Variants in PDCD4 observed in about 807,000 individuals in gnomAD.
The protein encoded by PDCD4 is programmed cell death protein 4.
Under a neutral mutation model 54.0 loss-of-function variants are expected in PDCD4, and 56 were observed. The observed-to-expected ratio is 1.04, with a 90% CI of 0.84 to 1.30. The LOEUF is 1.30. Ranked by LOEUF, PDCD4 falls within the 50% of genes most tolerant of loss-of-function variation. The pLI, the probability that PDCD4 is intolerant of heterozygous loss-of-function variation, is 0.00. For missense variants in PDCD4, 584 were observed against 559.8 expected (o/e 1.04, Z -0.44); for synonymous variants, 186 against 194.8 (o/e 0.95, Z 0.37).
Position 110,887,726 on chromosome 10 carries a change from C to T in PDCD4, c.617C>T (p.Ser206Phe). The change falls in exon 6 of 12, where the codon TCC becomes TTC. Residue 206 changes from serine to phenylalanine, a missense_variant. Ser to Phe is a radical substitution (Grantham distance 155). Coordinates refer to ENST00000280154, the MANE Select transcript of PDCD4 (RefSeq NM_014456.5). ...MKSGVPVLAV[S>F]LALEGKASHR... ...AGTGGAGTACCAGTGTTGGCAGTAT[C>T]CTTAGCATTGGAGGGGAAGGCTAGT... 1.2e-6 allele frequency: 2 copies of T among 1,613,396 alleles called. No homozygotes were observed. The highest frequency in any genetic ancestry group is 1.7e-6 in the Non-Finnish European group (2 of 1,179,472).
At chr10:110,890,981 T>G (rs1307382537) in intron 8 of PDCD4, 1 of 195,438 alleles carries the variant, frequency 5.1e-6, no homozygotes, top group East Asian at 1.2e-4. Flanking sequence ...TGAAATGAGA[T>G]TTTCTGTGTT....
Position 110,887,694 on chromosome 10 carries a change from A to G in PDCD4, c.585A>G (p.Glu195=). The G allele has an allele frequency of 6.2e-7, 1 of 1,612,576 alleles. No individual in the cohort carries two copies. Among genetic ancestry groups the G allele is most frequent in the Middle Eastern group, 1.7e-4 (1 of 6,046 alleles). ...AEMLRDLNLG[E]MKSGVPVLAV... ...TGTTAAGAGATTTAAATCTTGGTGA[A>G]ATGAAAAGTGGAGTACCAGTGTTGG... The change falls in exon 6 of 12, where the codon GAA becomes GAG. Residue 195 remains glutamate, a synonymous_variant. Coordinates refer to ENST00000280154, the MANE Select transcript of PDCD4 (RefSeq NM_014456.5).
Position 110,898,118 on chromosome 10 carries a change from A to T in PDCD4, c.*30A>T. 1 of 1,212,874 alleles carries T rather than the reference A, an allele frequency of 8.2e-7. No homozygotes were observed. The highest frequency in any genetic ancestry group is 1.1e-6 in the Non-Finnish European group (1 of 880,174). The allele number at this position is 1,212,874 out of a possible 1,614,324, so 75.1% of individuals were successfully genotyped here. On this transcript the variant is annotated 3_prime_UTR_variant, in exon 12 of 12. Coordinates refer to ENST00000280154, the MANE Select transcript of PDCD4 (RefSeq NM_014456.5). ...AAGAACTCTTGCAGTCTTAGATGTTATAAAAATATATATCTGAATTGTAAG... is the reference window on the plus strand; with the variant it reads ...AAGAACTCTTGCAGTCTTAGATGTTTTAAAAATATATATCTGAATTGTAAG...
intron 10 of PDCD4, among the ~76,000 whole-genome samples, chr10:110,895,311 T>TA (rs1225310501): frequency 1.3e-5 from 2 of 152,160 alleles, no homozygotes; most frequent in Non-Finnish European, 2.9e-5. Context: ...AGCTCTCACT[T>TA]ACAAGTGAGA....
At chr10:110,879,699 T>C (rs1438864137) in intron 2 of PDCD4, among the ~76,000 whole-genome samples, 3 of 151,606 alleles carry the variant, frequency 2.0e-5, no homozygotes, top group Non-Finnish European at 4.4e-5. Context: ...ATAATGGGAC[T>C]ACTTTTAAAG....
In PDCD4 at chr10:110,876,034, G is replaced by A; in HGVS notation, c.7G>A (p.Val3Ile). ...CAAGCGAAATTAAGGGAAAATGGAT[G>A]TAGAAAATGAGCAGATACTGAATGT... MD[V>I]ENEQILNVNP... Residue 3 changes from valine to isoleucine, a missense_variant, in exon 2 of 12, where the codon GTA (valine) becomes ATA (isoleucine). By Grantham distance (29) the Val-to-Ile change is conservative. Coordinates refer to ENST00000280154, the MANE Select transcript of PDCD4 (RefSeq NM_014456.5). The A allele has an allele frequency of 6.2e-7, 1 of 1,609,892 alleles. No homozygotes were observed. The highest frequency in any genetic ancestry group is 1.1e-5 in the South Asian group (1 of 90,818).
Position 110,894,450 on chromosome 10 carries a change from AT to A in PDCD4, c.1140del (p.Phe380LeufsTer3). ...MVLESTGEST[F>X]KMILDLLKSL... ...TTTTAGAGTCAACTGGAGAAAGTACATTTAAGATGATTTTGGATTTATTAAA... is the reference window on the plus strand; with the variant it reads ...TTTTAGAGTCAACTGGAGAAAGTACATTAAGATGATTTTGGATTTATTAAA... On this transcript the variant is annotated frameshift_variant, in exon 10 of 12. Coordinates refer to ENST00000280154, the MANE Select transcript of PDCD4 (RefSeq NM_014456.5). LOFTEE classifies it high-confidence loss of function. 6.4e-7 allele frequency: 1 copy of A among 1,574,590 alleles called. No individual in the cohort carries two copies.
rs1845877640 is a variant in PDCD4 at position 110,898,169 on chromosome 10, T to G, written c.*81T>G. 1 of 834,980 alleles carries G rather than the reference T, an allele frequency of 1.2e-6. No homozygotes were observed. The allele number at this position is 834,980 out of a possible 1,614,324, so 51.7% of individuals were successfully genotyped here. A position where few individuals can be genotyped will look rare whatever the true frequency, so the allele number is the denominator to read the frequency against. ...AGTTGTTAGCACAAGTTTTTTTTTT[T>G]TTTTTTTTTAAGCACTTGTTTTGGG... On this transcript the variant is annotated 3_prime_UTR_variant, in exon 12 of 12. Coordinates refer to ENST00000280154, the MANE Select transcript of PDCD4 (RefSeq NM_014456.5).
intron 6 of PDCD4, 25 bp from the exon 7 acceptor site, chr10:110,889,508 G>T: frequency 1.5e-6 from 2 of 1,330,616 alleles, no homozygotes; most frequent in Non-Finnish European, 2.1e-6. Flanking sequence ...TTTTTTTATA[G>T]CTCTTTTTTT....
intron 1 of PDCD4, among the ~76,000 whole-genome samples, chr10:110,875,652 T>C (rs1256140664): frequency 6.6e-6 from 1 of 152,210 alleles, no homozygotes; most frequent in Admixed American, 6.5e-5. Context: ...GATTTGGATG[T>C]GTGTATTTCT....
intron 2 of PDCD4, chr10:110,876,704 G>C (rs375093885): frequency 7.8e-7 from 1 of 1,288,232 alleles, no homozygotes. Context: ...TGCTTCAATA[G>C]CATGTTATTA....
intron 1 of PDCD4, among the ~76,000 whole-genome samples, chr10:110,873,007 GTTTTTAACTTGTA>G (rs1222050982): frequency 6.6e-6 from 1 of 152,122 alleles, no homozygotes; most frequent in Non-Finnish European, 1.5e-5. Context: ...GGTTTCCCCT[GTTTTTAACTTGTA>G]TTTTTACTTT....
intron 4 of PDCD4, 23 bp from the exon 5 acceptor site, chr10:110,885,230 C>G: frequency 4.6e-6 from 5 of 1,094,346 alleles, no homozygotes; most frequent in Non-Finnish European, 4.1e-6. Flanking sequence ...TTTTATAACT[C>G]TTACTCCCTT....
intron 8 of PDCD4, among the ~76,000 whole-genome samples, chr10:110,893,811 C>G (rs529724121): frequency 1.1e-4 from 17 of 152,184 alleles, no homozygotes; most frequent in Non-Finnish European, 2.5e-4. Flanking sequence ...ATGGTCACAA[C>G]CCAGGACGCA....
intron 2 of PDCD4, among the ~76,000 whole-genome samples, chr10:110,878,300 A>C (rs1326769300): frequency 2.0e-5 from 3 of 152,224 alleles, no homozygotes; most frequent in Admixed American, 1.3e-4. Flanking sequence ...CAGAGACACA[A>C]ACATACTTGA....
intron 2 of PDCD4, chr10:110,876,759 T>G (rs1351910126): frequency 9.8e-7 from 1 of 1,020,436 alleles, no homozygotes; most frequent in Non-Finnish European, 1.4e-6. Context: ...CAAATGTGAG[T>G]AACTCAAGAT....
chr10:110,891,559 G>T (rs1845757400), intron 8 of PDCD4, among the ~76,000 whole-genome samples: 1 of 151,698 alleles, frequency 6.6e-6, no homozygotes, highest in South Asian at 2.1e-4. Flanking sequence ...TTAAGAAAAG[G>T]CATGCAACTA....
At chr10:110,881,134 AAT>A in intron 2 of PDCD4, 97 bp from the exon 3 acceptor site, 3 of 798,606 alleles carry the variant, frequency 3.8e-6, no homozygotes, top group Non-Finnish European at 6.0e-6. Context: ...CAAAAATGGT[AAT>A]GTCATGTGAT....
chr10:110,881,625 TGA>T, intron 3 of PDCD4, 90 bp downstream of exon 3: 1 of 1,056,168 alleles, frequency 9.5e-7, no homozygotes, highest in Non-Finnish European at 1.4e-6. Flanking sequence ...GTTCTAGGAA[TGA>T]GAGAGATTCA....
Sources: gnomAD v4.1 joint callset for allele counts (sites outside exome capture counted in the v4.1 genomes callset) on GRCh38, gnomAD v4.1.1 for gene constraint, MANE v1.5 for transcripts, NCBI Gene and HGNC (gene_info 2026-07-23, HGNC 2026-07-21) for gene names.